Variants in TMEM164 observed in about 807,000 individuals in gnomAD.
TMEM164 encodes the protein RP13-360B22.2.
Under a neutral mutation model 18.8 loss-of-function variants are expected in TMEM164, and 4 were observed. The ratio of observed to expected loss-of-function variants is 0.21; its 90% CI spans 0.10 to 0.49. TMEM164 has a LOEUF of 0.49. TMEM164 is among the 20% of genes least tolerant of loss of function. The pLI, the probability that TMEM164 is intolerant of heterozygous loss-of-function variation, is 0.98. For missense variants in TMEM164, 108 were observed against 239.9 expected (o/e 0.45, Z 3.63); for synonymous variants, 86 against 101.7 (o/e 0.85, Z 0.93).
At chrX:110,130,705 A>G (rs2066600808) in intron 4 of TMEM164, among the ~76,000 whole-genome samples, 1 of 105,885 alleles carries the variant, frequency 9.4e-6, no homozygotes, top group Admixed American at 1.0e-4. Context: ...TTAGGGAAAT[A>G]TATTAAAATA....
intron 5 of TMEM164, among the ~76,000 whole-genome samples, chrX:110,167,414 GT>G (rs1243645586): frequency 8.9e-6 from 1 of 112,015 alleles, no homozygotes; most frequent in Non-Finnish European, 1.9e-5. Context: ...ACTGCCTGGT[GT>G]TTTGTCTTTT....
chrX:110,179,367 G>A (rs1168192547), downstream of TMEM164, among the ~76,000 whole-genome samples: 1 of 111,431 alleles, frequency 9.0e-6, no homozygotes, highest in African/African-American at 3.3e-5. Flanking sequence ...CACTTCCCTG[G>A]GCCACTGGCT....
At chrX:110,138,720 A>T (rs1384041377) in intron 4 of TMEM164, among the ~76,000 whole-genome samples, 1 of 112,355 alleles carries the variant, frequency 8.9e-6, no homozygotes, top group Non-Finnish European at 1.9e-5. Flanking sequence ...AGACCTGAAA[A>T]TAGACCAGGA....
At chrX:110,032,022 A>G (rs1025549763) in intron 2 of TMEM164, among the ~76,000 whole-genome samples, 1 of 111,495 alleles carries the variant, frequency 9.0e-6, no homozygotes, top group African/African-American at 3.3e-5. Context: ...ACAAAAGTGT[A>G]GTGTGAAAAA....
At chrX:110,017,413 T>C (rs186255563) in intron 2 of TMEM164, among the ~76,000 whole-genome samples, 113 of 41,666 alleles carry the variant, frequency 2.7e-3, no homozygotes, top group African/African-American at 0.011. Context: ...TTCCTTTCTT[T>C]CTTTCTTTCT....
chrX:110,046,683 G>C (rs1313304748), intron 2 of TMEM164, among the ~76,000 whole-genome samples: 3 of 112,237 alleles, frequency 2.7e-5, no homozygotes, highest in African/African-American at 9.7e-5. Context: ...AATAGAGTTG[G>C]GGGCAATTGA....
At chrX:110,035,776 ATTT>A (rs386417395) in intron 2 of TMEM164, among the ~76,000 whole-genome samples, 1 of 94,257 alleles carries the variant, frequency 1.1e-5, no homozygotes, top group African/African-American at 3.9e-5. Flanking sequence ...ATGTGCTCCT[ATTT>A]TTTTTTTTTT....
chrX:110,123,221 A>G (rs2066476943), intron 4 of TMEM164, among the ~76,000 whole-genome samples: 1 of 112,221 alleles, frequency 8.9e-6, no homozygotes, highest in Non-Finnish European at 1.9e-5. Flanking sequence ...AAATCAATGA[A>G]AAATAAATGT....
At chrX:110,167,223 C>T (rs1307521913) in intron 5 of TMEM164, among the ~76,000 whole-genome samples, 1 of 111,843 alleles carries the variant, frequency 8.9e-6, no homozygotes, top group African/African-American at 3.3e-5. Context: ...TTCCACTCAC[C>T]AGCCCTTAGA....
chrX:110,163,087 A>G lies in TMEM164; in HGVS notation c.587-8333A>G, dbSNP rs768281958. Among the ~76,000 whole-genome samples the G allele has an allele frequency of 3.6e-5, 4 of 112,280 alleles. No homozygotes were observed. In the South Asian group the frequency reaches 1.5e-3, roughly 42 times the overall value. On this transcript the variant is annotated intron_variant, in intron 5 of 6. Transcript: ENST00000372068. The stretch of plus-strand genomic sequence containing the variant: ...TCACCCTGTTTTGTCCTCAGGGCAC[A>G]TAGGATGAGGCCTGAGAATTGGCCA...
intron 3 of TMEM164, among the ~76,000 whole-genome samples, chrX:110,107,090 A>T (rs2066214944): frequency 8.9e-6 from 1 of 112,473 alleles, no homozygotes; most frequent in South Asian, 3.6e-4. Context: ...AGCCAGGGGC[A>T]GGGAAGGAAG....
At chrX:110,041,305 C>T (rs781450762) in intron 2 of TMEM164, among the ~76,000 whole-genome samples, 49 of 112,089 alleles carry the variant, frequency 4.4e-4, no homozygotes, top group Admixed American at 1.0e-3. Flanking sequence ...AATTCTGCCA[C>T]GTAACTTTAT....
intron 2 of TMEM164, among the ~76,000 whole-genome samples, chrX:110,022,244 T>C (rs7052651): frequency 0.027 from 3,002 of 110,843 alleles, 100 homozygotes; most frequent in African/African-American, 0.093. Flanking sequence ...TCAATATAGT[T>C]ATTTCCTCCT....
chrX:110,029,529 T>A (rs1934353739), intron 2 of TMEM164, among the ~76,000 whole-genome samples: 1 of 112,201 alleles, frequency 8.9e-6, no homozygotes, highest in South Asian at 3.7e-4. Context: ...GTTCCCTCAC[T>A]TGCTCTGCAG....
intron 5 of TMEM164, among the ~76,000 whole-genome samples, chrX:110,160,862 T>C (rs2067084452): frequency 8.9e-6 from 1 of 112,109 alleles, no homozygotes; most frequent in African/African-American, 3.2e-5. Flanking sequence ...TGCCTCAGCC[T>C]CCTGAATAGC....
At chrX:110,069,421 C>T (rs1295691077) in intron 3 of TMEM164, among the ~76,000 whole-genome samples, 4 of 110,941 alleles carry the variant, frequency 3.6e-5, no homozygotes, top group Admixed American at 9.7e-5. Flanking sequence ...TAAATTTGTT[C>T]CTCGAGTTGT....
chrX:110,048,307 A>G (rs1231893899), intron 2 of TMEM164, among the ~76,000 whole-genome samples: 1 of 111,584 alleles, frequency 9.0e-6, no homozygotes, highest in Non-Finnish European at 1.9e-5. Flanking sequence ...TACAGCTCTC[A>G]AAGCTCTGAT....
intron 3 of TMEM164, among the ~76,000 whole-genome samples, chrX:110,084,489 G>T (rs2065823155): frequency 1.4e-5 from 1 of 71,407 alleles, no homozygotes; most frequent in Non-Finnish European, 2.5e-5. Context: ...GAGAGAGAGA[G>T]AGAGAGAGAG....
chrX:110,072,561 T>C (rs1314461191), intron 3 of TMEM164, among the ~76,000 whole-genome samples: 1 of 111,164 alleles, frequency 9.0e-6, no homozygotes, highest in Non-Finnish European at 1.9e-5. Flanking sequence ...AATTTAAAAA[T>C]ATCTCCTTAT....
Sources: gnomAD v4.1 joint callset for allele counts (sites outside exome capture counted in the v4.1 genomes callset) on GRCh38, gnomAD v4.1.1 for gene constraint, MANE v1.5 for transcripts, NCBI Gene and HGNC (gene_info 2026-07-23, HGNC 2026-07-21) for gene names.